TECRL: variants seen among roughly 807,000 people sequenced by gnomAD.
TECRL encodes trans-2,3-enoyl-CoA reductase like, also known as trans-2,3-enoyl-CoA reductase-like.
Under a neutral mutation model 52.8 loss-of-function variants are expected in TECRL, and 63 were observed. The observed-to-expected ratio is 1.19, with a 90% CI of 0.97 to 1.47. The LOEUF (loss-of-function observed/expected upper bound fraction) is 1.47. Ranked by LOEUF, TECRL falls within the 40% of genes most tolerant of loss-of-function variation. The pLI is 0.00. For synonymous variants in TECRL, 164 were observed against 141.9 expected, an observed-to-expected ratio of 1.16 and a Z score of -1.10; for missense variants, 482 against 429.6, an observed-to-expected ratio of 1.12 and a Z score of -1.08.
intron 3 of TECRL, among the ~76,000 whole-genome samples, chr4:64,325,009 T>C (rs1414871843): frequency 6.6e-6 from 1 of 152,114 alleles, no homozygotes; most frequent in African/African-American, 2.4e-5. Flanking sequence ...ATTTATTGCA[T>C]GAGTTTTTAT....
At chr4:64,296,066 G>T (rs959875810) in intron 8 of TECRL, among the ~76,000 whole-genome samples, 9 of 151,878 alleles carry the variant, frequency 5.9e-5, no homozygotes, top group Non-Finnish European at 1.3e-4. Context: ...CCTTTTATTG[G>T]TACCTATCAA....
intron 5 of TECRL, among the ~76,000 whole-genome samples, chr4:64,310,392 A>C (rs1181833118): frequency 6.6e-6 from 1 of 152,168 alleles, no homozygotes; most frequent in Non-Finnish European, 1.5e-5. Flanking sequence ...AGATTGAGAA[A>C]ATTTAAATTG....
chr4:64,384,354 G>C (rs1176317752), intron 1 of TECRL, among the ~76,000 whole-genome samples: 1 of 152,156 alleles, frequency 6.6e-6, no homozygotes, highest in Non-Finnish European at 1.5e-5. Context: ...GGTGTCAGCA[G>C]TGGTGGCAAC....
At chr4:64,302,938 A>G (rs1724106242) in intron 7 of TECRL, among the ~76,000 whole-genome samples, 1 of 151,256 alleles carries the variant, frequency 6.6e-6, no homozygotes, top group African/African-American at 2.4e-5. Context: ...AAAATAATTT[A>G]GGAAGTGTTT....
chr4:64,353,269 G>A (rs10014081), intron 2 of TECRL, among the ~76,000 whole-genome samples: 100,747 of 151,868 alleles, frequency 0.66, 34,778 homozygotes, highest in Non-Finnish European at 0.76. Context: ...TTAATACACA[G>A]TGTGCATATA....
At chr4:64,313,761 G>A (rs1185830119) in intron 5 of TECRL, among the ~76,000 whole-genome samples, 3 of 150,556 alleles carry the variant, frequency 2.0e-5, no homozygotes, top group Admixed American at 6.6e-5. Flanking sequence ...GATTGCAGGC[G>A]TGAGCCACCA....
chr4:64,356,449 C>T (rs1213713399), intron 2 of TECRL, among the ~76,000 whole-genome samples: 1 of 152,114 alleles, frequency 6.6e-6, no homozygotes, highest in Non-Finnish European at 1.5e-5. Context: ...GGAGAAAAAC[C>T]GCCCTGTGGT....
intron 1 of TECRL, among the ~76,000 whole-genome samples, chr4:64,398,332 G>A (rs1724106586): frequency 6.6e-6 from 1 of 152,162 alleles, no homozygotes; most frequent in Non-Finnish European, 1.5e-5. Flanking sequence ...TCCAATACTG[G>A]AGATGTAGCC....
rs577217573 is a variant in TECRL at position 64,344,170 on chromosome 4, C to T, written c.287-15614G>A. Among the ~76,000 whole-genome samples, 66 of 151,250 alleles carry T rather than the reference C, an allele frequency of 4.4e-4. 2 individuals carry two copies. In the South Asian group the frequency reaches 0.013, roughly 29 times the overall value. The stretch of plus-strand genomic sequence containing the variant: ...AGGAAAAAACTCATATATATATATA[C>T]TCACACATATACATATATTATAGCT... On this transcript the variant is annotated intron_variant, in intron 2 of 11. Coordinates refer to ENST00000381210, the MANE Select transcript of TECRL (RefSeq NM_001010874.5).
intron 6 of TECRL, among the ~76,000 whole-genome samples, chr4:64,307,363 T>C (rs1022814806): frequency 1.3e-5 from 2 of 152,124 alleles, no homozygotes; most frequent in Admixed American, 1.3e-4. Flanking sequence ...GGGTGCAGCA[T>C]AGGTAAGTGT....
Position 64,289,695 on chromosome 4 carries a change from GA to G in TECRL, c.832+14del. 6.6e-7 allele frequency: 1 copy of G among 1,508,436 alleles called. No individual in the cohort carries two copies. Among genetic ancestry groups the G allele is most frequent in the Non-Finnish European group, 8.8e-7 (1 of 1,136,360 alleles). 93.4% of individuals were successfully genotyped at this position (1,508,436 alleles called of 1,614,324 possible). ...TAATTCACTCTAAAGAAAAGAAAAAGAAAAAAGAACTAACCTGTGTGATTGG... is the reference window on the plus strand; with the variant it reads ...TAATTCACTCTAAAGAAAAGAAAAAGAAAAAGAACTAACCTGTGTGATTGG... On this transcript the variant is annotated intron_variant, in intron 9 of 11. Transcript: ENST00000381210.
chr4:64,332,376 C>T (rs146948486), intron 2 of TECRL, among the ~76,000 whole-genome samples: 13 of 152,280 alleles, frequency 8.5e-5, no homozygotes, highest in Admixed American at 7.8e-4. Context: ...GATCTGTAAC[C>T]TCCAAAGTCC....
intron 1 of TECRL, among the ~76,000 whole-genome samples, chr4:64,380,040 C>T (rs1295966544): frequency 6.6e-6 from 1 of 152,092 alleles, no homozygotes; most frequent in Non-Finnish European, 1.5e-5. Context: ...TTCCTTTGAT[C>T]TGCAGCCTCA....
chr4:64,343,076 C>A (rs533200473), intron 2 of TECRL, among the ~76,000 whole-genome samples: 4 of 145,374 alleles, frequency 2.8e-5, no homozygotes, highest in African/African-American at 1.0e-4. Context: ...AAATATAGTT[C>A]GCCTTCTTTA....
chr4:64,377,376 T>C (rs1722476993), intron 1 of TECRL, among the ~76,000 whole-genome samples: 2 of 152,058 alleles, frequency 1.3e-5, no homozygotes, highest in African/African-American at 4.8e-5. Context: ...GCTGAGCATA[T>C]AAGAGCTTCT....
At chr4:64,300,082 A>G in intron 7 of TECRL, 65 bp from the exon 8 acceptor site, 1 of 1,244,612 alleles carries the variant, frequency 8.0e-7, no homozygotes, top group South Asian at 1.5e-5. Flanking sequence ...ATATATAGAC[A>G]TAATTCAGGC....
At position 64,295,996 on chromosome 4, in the gene TECRL, A is replaced by G. The variant is rs375160454; in HGVS notation, c.774+3978T>C. On this transcript the variant is annotated intron_variant, in intron 8 of 11. Transcript: ENST00000381210. Reference sequence around the variant, plus strand: ...TCAGGAAATTTGAGATGAGAGCAAAATGGCAAATGATGAAAACACACAGAG... The same window carrying G: ...TCAGGAAATTTGAGATGAGAGCAAAGTGGCAAATGATGAAAACACACAGAG... Among the ~76,000 whole-genome samples the G allele has an allele frequency of 3.3e-5, 5 of 152,070 alleles. No individual in the cohort carries two copies. In the East Asian group the frequency reaches 7.7e-4, roughly 23 times the overall value.
At chr4:64,379,450 C>A (rs1722629399) in intron 1 of TECRL, among the ~76,000 whole-genome samples, 1 of 152,088 alleles carries the variant, frequency 6.6e-6, no homozygotes, top group African/African-American at 2.4e-5. Context: ...ATATCCATCA[C>A]CTTAAACACT....
intron 2 of TECRL, among the ~76,000 whole-genome samples, chr4:64,344,719 A>G (rs1458807706): frequency 2.6e-5 from 4 of 152,234 alleles, no homozygotes; most frequent in Non-Finnish European, 5.9e-5. Flanking sequence ...AGCTCTCAGC[A>G]AAGAGGAATT....
Sources: gnomAD v4.1 joint callset for allele counts (sites outside exome capture counted in the v4.1 genomes callset) on GRCh38, gnomAD v4.1.1 for gene constraint, MANE v1.5 for transcripts, NCBI Gene and HGNC (gene_info 2026-07-23, HGNC 2026-07-21) for gene names.